Variants in AOPEP observed in about 807,000 individuals in gnomAD.
AOPEP encodes aminopeptidase O (putative), also known as aminopeptidase O.
Under a neutral mutation model 98.1 loss-of-function variants are expected in AOPEP, and 77 were observed. The ratio of observed to expected loss-of-function variants is 0.78; its 90% confidence interval spans 0.65 to 0.95. AOPEP has a LOEUF of 0.95. Among genes scored for constraint, AOPEP ranks in the 40% least tolerant of loss-of-function variants. The pLI is 0.00. For missense variants in AOPEP, 1,024 were observed against 1,024.7 expected (o/e 1.00, Z 0.01); for synonymous variants, 346 against 365.3 (o/e 0.95, Z 0.60).
chr9:95,017,094 A>G (rs758927373), intron 13 of AOPEP, among the ~76,000 whole-genome samples: 3 of 151,960 alleles, frequency 2.0e-5, no homozygotes, highest in Non-Finnish European at 4.4e-5. Flanking sequence ...GGCATGAGAC[A>G]TTAAACAGGA....
At chr9:95,092,452 G>A in the AOPEP span, among the ~76,000 whole-genome samples, 12 of 152,206 alleles carry the variant, frequency 7.9e-5, no homozygotes, top group African/African-American at 2.2e-4. Flanking sequence ...CCCCACCTGG[G>A]AGAGGAGTGC....
chr9:95,055,790 G>A (rs773505064), intron 13 of AOPEP, among the ~76,000 whole-genome samples: 14 of 152,202 alleles, frequency 9.2e-5, no homozygotes, highest in Admixed American at 1.3e-4. Flanking sequence ...CCTGCCCGAA[G>A]GCCGCCTGCA....
intron 5 of AOPEP, among the ~76,000 whole-genome samples, chr9:94,818,341 A>G (rs1852164459): frequency 6.6e-6 from 1 of 152,254 alleles, no homozygotes; most frequent in African/African-American, 2.4e-5. Flanking sequence ...CACAGATTCT[A>G]CAGTTCCTAT....
At position 94,979,376 on chromosome 9, in the gene AOPEP, G is replaced by A; in HGVS notation, c.1926G>A (p.Leu642=). ...ENIPEEKRLE[L]SVENIYQDWL... ...TGTTTTATTTCTAAAGGCTTGAGCT[G>A]TCTGTTGAAAACATCTACCAAGACT... The change falls in exon 11 of 17, where the codon CTG becomes CTA. Residue 642 remains leucine, a synonymous_variant. Coordinates refer to ENST00000375315, the MANE Select transcript of AOPEP (RefSeq NM_001193329.3). 1 of 1,601,040 alleles carries A rather than the reference G, an allele frequency of 6.2e-7. No homozygotes were observed. Among genetic ancestry groups the A allele is most frequent in the Non-Finnish European group, 8.5e-7 (1 of 1,171,106 alleles).
intron 16 of AOPEP, 44 bp downstream of exon 16, chr9:95,082,763 T>C: frequency 6.2e-7 from 1 of 1,605,292 alleles, no homozygotes; most frequent in Admixed American, 1.7e-5. Context: ...TCTAACCAGA[T>C]ACTCCTTTTA....
At chr9:94,983,179 G>C (rs7853107) in intron 11 of AOPEP, among the ~76,000 whole-genome samples, 1 of 152,110 alleles carries the variant, frequency 6.6e-6, no homozygotes, top group Non-Finnish European at 1.5e-5. Context: ...AGGCGGGCAC[G>C]CATGCCTGCT....
At chr9:94,861,849 T>C (rs988604773) in intron 5 of AOPEP, among the ~76,000 whole-genome samples, 1 of 152,242 alleles carries the variant, frequency 6.6e-6, no homozygotes, top group African/African-American at 2.4e-5. Context: ...CTGTAGGACC[T>C]GCTCTTCTGA....
At chr9:95,080,878 T>C (rs2134225503) in intron 15 of AOPEP, 98 bp downstream of exon 15, 1 of 857,210 alleles carries the variant, frequency 1.2e-6, no homozygotes, top group Non-Finnish European at 2.0e-6. Context: ...TAACAAATAA[T>C]TAAATCTGTT....
In AOPEP at chr9:94,892,785, C is replaced by T. The variant is rs544321207; in HGVS notation, c.1365-31201C>T. The stretch of plus-strand genomic sequence containing the variant: ...CTGGAGTGTATTGGTACCAGAATGG[C>T]TCACTGGAGTCTTGAACTCCTAGGC... On this transcript the variant is annotated intron_variant, in intron 5 of 16. Transcript: ENST00000375315. 2.0e-5 allele frequency among the ~76,000 whole-genome samples: 3 copies of T among 152,288 alleles called. No homozygotes were observed. In the South Asian group the frequency reaches 6.2e-4, roughly 32 times the overall value.
At chr9:94,866,903 C>A (rs377270671) in intron 5 of AOPEP, among the ~76,000 whole-genome samples, 4 of 152,026 alleles carry the variant, frequency 2.6e-5, no homozygotes, top group Admixed American at 1.3e-4. Context: ...TTAATAGCAG[C>A]CTTATTTAAA....
intron 5 of AOPEP, among the ~76,000 whole-genome samples, chr9:94,920,650 G>T (rs1452977115): frequency 2.0e-5 from 3 of 152,206 alleles, no homozygotes; most frequent in Non-Finnish European, 2.9e-5. Flanking sequence ...CCTCCCGAAG[G>T]ATGGGAGCAG....
At chr9:95,023,532 T>A (rs1008803694) in intron 13 of AOPEP, among the ~76,000 whole-genome samples, 1 of 152,240 alleles carries the variant, frequency 6.6e-6, no homozygotes, top group Non-Finnish European at 1.5e-5. Flanking sequence ...AAAGGGAGTT[T>A]TAGTTGAAGT....
At chr9:95,144,850 G>A in the AOPEP span, among the ~76,000 whole-genome samples, 1 of 152,160 alleles carries the variant, frequency 6.6e-6, no homozygotes, top group South Asian at 2.1e-4. Context: ...AGAATCGAGC[G>A]CCGCGCCGCA....
At chr9:95,014,607 C>T (rs996250861) in intron 13 of AOPEP, among the ~76,000 whole-genome samples, 1 of 152,186 alleles carries the variant, frequency 6.6e-6, no homozygotes, top group African/African-American at 2.4e-5. Flanking sequence ...AATAACCTTT[C>T]CCTGATTCCA....
intron 5 of AOPEP, among the ~76,000 whole-genome samples, chr9:94,872,575 T>G (rs1261750640): frequency 1.3e-5 from 2 of 152,198 alleles, no homozygotes; most frequent in African/African-American, 2.4e-5. Context: ...TCTCCTATAT[T>G]CTTCAGTAAA....
chr9:94,853,717 C>T (rs1286132937), intron 5 of AOPEP, among the ~76,000 whole-genome samples: 1 of 152,172 alleles, frequency 6.6e-6, no homozygotes, highest in Non-Finnish European at 1.5e-5. Flanking sequence ...CTCTACTCCA[C>T]ACAGAGAAAA....
intron 7 of AOPEP, among the ~76,000 whole-genome samples, chr9:94,951,056 G>C (rs927395003): frequency 1.2e-4 from 18 of 152,348 alleles, no homozygotes; most frequent in African/African-American, 4.3e-4. Context: ...AAGGGAAAGG[G>C]CACGTCAATC....
At chr9:94,822,173 G>A (rs1443980717) in intron 5 of AOPEP, among the ~76,000 whole-genome samples, 2 of 152,186 alleles carry the variant, frequency 1.3e-5, no homozygotes, top group Admixed American at 6.5e-5. Flanking sequence ...CATGGCAGAC[G>A]AGCTGCTGGT....
chr9:94,743,330 T>C (rs1169481488), intron 1 of AOPEP, among the ~76,000 whole-genome samples: 2 of 152,060 alleles, frequency 1.3e-5, no homozygotes, highest in Non-Finnish European at 2.9e-5. Flanking sequence ...GTTAGTGGTA[T>C]GAGATGCCAC....
Sources: gnomAD v4.1 joint callset for allele counts (sites outside exome capture counted in the v4.1 genomes callset) on GRCh38, gnomAD v4.1.1 for gene constraint, MANE v1.5 for transcripts, NCBI Gene and HGNC (gene_info 2026-07-23, HGNC 2026-07-21) for gene names.